The following ZNF521 variants were observed in gnomAD, a reference collection of about 807,000 sequenced individuals.
ZNF521 encodes the protein LYST-interacting protein 3.
A neutral mutation model predicts 105.5 loss-of-function variants in ZNF521; 14 were observed. That is an observed-to-expected ratio of 0.13 (90% CI 0.09 to 0.21). The LOEUF is 0.21. ZNF521 is among the 10% of genes least tolerant of loss of function. The pLI, the probability that ZNF521 is intolerant of heterozygous loss-of-function variation, is 1.00. For missense variants in ZNF521, 1,233 were observed against 1,629.7 expected (o/e 0.76, Z 4.19); for synonymous variants, 635 against 606.0 (o/e 1.05, Z -0.70).
intron 2 of ZNF521, among the ~76,000 whole-genome samples, chr18:25,341,449 C>T (rs1189021874): frequency 1.3e-5 from 2 of 152,150 alleles, no homozygotes; most frequent in African/African-American, 2.4e-5. Flanking sequence ...AATTAATTAG[C>T]TTCACCATTG....
At chr18:25,231,931 C>T (rs1275345791) in intron 3 of ZNF521, among the ~76,000 whole-genome samples, 1 of 152,024 alleles carries the variant, frequency 6.6e-6, no homozygotes, top group Non-Finnish European at 1.5e-5. Flanking sequence ...TGATAATGTT[C>T]TTCATAGGGC....
intron 5 of ZNF521, among the ~76,000 whole-genome samples, chr18:25,173,366 ACC>A (rs2035480949): frequency 6.6e-6 from 1 of 152,146 alleles, no homozygotes; most frequent in African/African-American, 2.4e-5. Flanking sequence ...TGACCTGGAC[ACC>A]TTTTCCTCAT....
chr18:25,321,016 C>T (rs184458844), intron 3 of ZNF521, among the ~76,000 whole-genome samples: 1 of 152,290 alleles, frequency 6.6e-6, no homozygotes, highest in East Asian at 1.9e-4. Context: ...AAATAGAACA[C>T]ACTTTAAAAT....
chr18:25,317,339 G>C (rs370184685), intron 3 of ZNF521, among the ~76,000 whole-genome samples: 1 of 152,152 alleles, frequency 6.6e-6, no homozygotes, highest in South Asian at 2.1e-4. Context: ...TATTATTAAA[G>C]TTGTATGAGA....
At chr18:25,253,366 A>C (rs1908249606) in intron 3 of ZNF521, among the ~76,000 whole-genome samples, 2 of 152,134 alleles carry the variant, frequency 1.3e-5, no homozygotes, top group South Asian at 4.1e-4. Context: ...TTCCTGGGAC[A>C]TTACTGATCT....
chr18:25,312,621 G>A (rs1912374579), intron 3 of ZNF521, among the ~76,000 whole-genome samples: 1 of 50,956 alleles, frequency 2.0e-5, no homozygotes, highest in Non-Finnish European at 4.3e-5. Context: ...GACCATCCTG[G>A]CTAACAAGGT....
intron 3 of ZNF521, among the ~76,000 whole-genome samples, chr18:25,299,473 C>T (rs1200678908): frequency 6.6e-6 from 1 of 152,160 alleles, no homozygotes; most frequent in Non-Finnish European, 1.5e-5. Flanking sequence ...ATGCAGTACT[C>T]TCATTAGGAG....
chr18:25,082,239 G>C (rs1202770579), intron 7 of ZNF521, among the ~76,000 whole-genome samples: 2 of 152,120 alleles, frequency 1.3e-5, no homozygotes, highest in African/African-American at 4.8e-5. Context: ...TGTGACTTTT[G>C]AAGTCTTTGT....
intron 5 of ZNF521, among the ~76,000 whole-genome samples, chr18:25,191,839 CA>C (rs1345489942): frequency 6.6e-6 from 1 of 151,906 alleles, no homozygotes; most frequent in African/African-American, 2.4e-5. Flanking sequence ...TAATCCATAC[CA>C]AAGAATAATA....
At chr18:25,088,808 A>G (rs1278822872) in intron 7 of ZNF521, among the ~76,000 whole-genome samples, 16 of 152,056 alleles carry the variant, frequency 1.1e-4, no homozygotes, top group Admixed American at 7.9e-4. Flanking sequence ...CATACCCATC[A>G]TTTCATTTTC....
chr18:25,281,252 A>C (rs1293620678), intron 3 of ZNF521, among the ~76,000 whole-genome samples: 1 of 152,186 alleles, frequency 6.6e-6, no homozygotes, highest in Non-Finnish European at 1.5e-5. Context: ...TCTCAAACAC[A>C]CGTGAGGAAA....
chr18:25,324,878 C>T (rs898662879), intron 2 of ZNF521, among the ~76,000 whole-genome samples: 2 of 152,216 alleles, frequency 1.3e-5, no homozygotes, highest in African/African-American at 4.8e-5. Flanking sequence ...CGACCCCAGT[C>T]CATGCTTCCA....
intron 3 of ZNF521, among the ~76,000 whole-genome samples, chr18:25,229,049 G>A (rs966622630): frequency 3.9e-5 from 6 of 152,180 alleles, no homozygotes; most frequent in African/African-American, 1.4e-4. Context: ...TATTCTAATG[G>A]TATTCAATTA....
At position 25,252,976 on chromosome 18, in the gene ZNF521, AGG is replaced by A. The variant is rs149732396; in HGVS notation, c.221-25281_221-25280del. Among the ~76,000 whole-genome samples the A allele has an allele frequency of 6.1e-3, 929 of 152,264 alleles. 9 individuals carry two copies. Among genetic ancestry groups the A allele is most frequent in the African/African-American group, 0.022 (898 of 41,554 alleles). On this transcript the variant is annotated intron_variant, in intron 3 of 7. Transcript: ENST00000361524. ...AGTACTTATAAAAACCTTATCCATA[AGG>A]CAAACCAACTTCCTTCACGCAGTAG...
intron 3 of ZNF521, among the ~76,000 whole-genome samples, chr18:25,231,752 T>C (rs181852051): frequency 7.5e-4 from 114 of 152,322 alleles, no homozygotes; most frequent in African/African-American, 2.6e-3. Context: ...ATGCTTACTT[T>C]GTTTATGATT....
intron 5 of ZNF521, among the ~76,000 whole-genome samples, chr18:25,159,203 C>G (rs1390507803): frequency 6.6e-6 from 1 of 152,120 alleles, no homozygotes; most frequent in East Asian, 1.9e-4. Flanking sequence ...AGAAGCTGAT[C>G]ATTATCAATT....
intron 5 of ZNF521, among the ~76,000 whole-genome samples, chr18:25,149,271 T>C (rs1161655124): frequency 2.6e-5 from 4 of 152,208 alleles, no homozygotes; most frequent in Non-Finnish European, 5.9e-5. Context: ...GAATCAGCCA[T>C]AGATGTAGGT....
intron 3 of ZNF521, among the ~76,000 whole-genome samples, chr18:25,238,452 T>G (rs566071357): frequency 6.6e-6 from 1 of 152,298 alleles, no homozygotes; most frequent in African/African-American, 2.4e-5. Context: ...ACACATCTCC[T>G]TAACAGTGGG....
intron 7 of ZNF521, among the ~76,000 whole-genome samples, chr18:25,072,562 C>T (rs958058201): frequency 9.9e-5 from 15 of 151,962 alleles, no homozygotes; most frequent in African/African-American, 3.6e-4. Flanking sequence ...GAAGAACAGG[C>T]GAAAAAGAGC....
Sources: gnomAD v4.1 joint callset for allele counts (sites outside exome capture counted in the v4.1 genomes callset) on GRCh38, gnomAD v4.1.1 for gene constraint, MANE v1.5 for transcripts, NCBI Gene and HGNC (gene_info 2026-07-23, HGNC 2026-07-21) for gene names.